The following NUP98 variants were observed in gnomAD, a reference collection of about 807,000 sequenced individuals.
NUP98 encodes the protein nuclear pore complex protein Nup98-Nup96.
Under a neutral mutation model 191.9 loss-of-function variants are expected in NUP98, and 26 were observed. That is an observed-to-expected ratio of 0.14 (90% CI 0.10 to 0.19). The LOEUF (loss-of-function observed/expected upper bound fraction) is 0.19, where lower values mean the gene tolerates loss of function less well. Ranked by LOEUF, NUP98 falls within the 10% of genes least tolerant of loss-of-function variation. The pLI, the probability that NUP98 is intolerant of heterozygous loss-of-function variation, is 1.00. For missense variants in NUP98, 1,941 were observed against 2,178.8 expected, an observed-to-expected ratio of 0.89 and a Z score of 2.17; for synonymous variants, 808 against 778.4, an observed-to-expected ratio of 1.04 and a Z score of -0.63.
chr11:3,702,169 C>G (rs1254454671), intron 23 of NUP98, among the ~76,000 whole-genome samples: 2 of 151,620 alleles, frequency 1.3e-5, no homozygotes, highest in African/African-American at 4.9e-5. Flanking sequence ...GACTGAGAGG[C>G]AGAGGTTGCA....
At chr11:3,742,038 T>C (rs1004199021) in intron 12 of NUP98, among the ~76,000 whole-genome samples, 2 of 152,234 alleles carry the variant, frequency 1.3e-5, no homozygotes, top group African/African-American at 4.8e-5. Flanking sequence ...ACATAGCAGT[T>C]CTCACTGAGC....
chr11:3,721,416 A>G (rs531901080), intron 16 of NUP98, among the ~76,000 whole-genome samples: 2 of 152,306 alleles, frequency 1.3e-5, no homozygotes, highest in East Asian at 3.9e-4. Context: ...TGAAAAATCC[A>G]GCCAGGCAAG....
chr11:3,751,239 T>A (rs1178101321), intron 11 of NUP98, among the ~76,000 whole-genome samples: 2 of 151,974 alleles, frequency 1.3e-5, no homozygotes, highest in Admixed American at 6.6e-5. Context: ...ATGCCAGTAA[T>A]CCCAGCTACT....
Position 3,781,922 on chromosome 11 carries a change from C to T in NUP98, c.76+120G>A, listed in dbSNP as rs528414576. ...TCTTATCCTAATTATTTTTTCAAGA[C>T]GACTTTGTTATAAATATGAAAGTAA... On this transcript the variant is annotated intron_variant, in intron 2 of 32. Coordinates refer to ENST00000324932, the MANE Select transcript of NUP98 (RefSeq NM_016320.5). 1,097 of 557,298 alleles carry T rather than the reference C, an allele frequency of 2.0e-3. 1 individual carries two copies. The highest frequency in any genetic ancestry group is 2.4e-3 in the Non-Finnish European group (777 of 321,800). 34.5% of individuals were successfully genotyped at this position (557,298 alleles called of 1,614,324 possible).
At chr11:3,785,188 C>CA (rs529280684) in intron 1 of NUP98, among the ~76,000 whole-genome samples, 55 of 148,500 alleles carry the variant, frequency 3.7e-4, no homozygotes, top group African/African-American at 7.9e-4. Context: ...CAAAAACAAA[C>CA]AAAAAAAAAC....
intron 12 of NUP98, among the ~76,000 whole-genome samples, chr11:3,739,950 A>T (rs1458360648): frequency 6.6e-6 from 1 of 152,178 alleles, no homozygotes; most frequent in Non-Finnish European, 1.5e-5. Context: ...TCTTTTCTTT[A>T]GCTTACTTTA....
At position 3,705,336 on chromosome 11, in the gene NUP98, A is replaced by G; in HGVS notation, c.2946T>C (p.Leu982=). The change falls in exon 22 of 33, where the codon CTT becomes CTC. Residue 982 remains leucine (L), a synonymous_variant. Coordinates refer to ENST00000324932, the MANE Select transcript of NUP98 (RefSeq NM_016320.5). Reference sequence around the variant, plus strand: ...CCATATCTACATCTTCTTCATCAGTAAGCAATGATGCTTTCATGATCTAAA... The same window carrying G: ...CCATATCTACATCTTCTTCATCAGTGAGCAATGATGCTTTCATGATCTAAA... ...HVLQIMKASL[L]TDEEDVDMAL... The G allele has an allele frequency of 6.2e-7, 1 of 1,614,086 alleles. No individual in the cohort carries two copies. Among genetic ancestry groups the G allele is most frequent in the Non-Finnish European group, 8.5e-7 (1 of 1,179,940 alleles).
intron 9 of NUP98, 49 bp downstream of exon 9, chr11:3,762,853 T>C (rs1589908448): frequency 1.9e-6 from 3 of 1,590,808 alleles, no homozygotes; most frequent in Non-Finnish European, 2.6e-6. Context: ...AAATTCCTTT[T>C]AACAAATTTA....
intron 11 of NUP98, among the ~76,000 whole-genome samples, chr11:3,746,005 C>CA (rs1482146428): frequency 1.3e-5 from 2 of 152,130 alleles, no homozygotes; most frequent in Non-Finnish European, 1.5e-5. Flanking sequence ...CACGGTGCCT[C>CA]ACGCCTGTAA....
chr11:3,688,114 A>G (rs2078184560), intron 28 of NUP98, among the ~76,000 whole-genome samples: 1 of 143,438 alleles, frequency 7.0e-6, no homozygotes, highest in African/African-American at 2.6e-5. Flanking sequence ...TGGTTAAAAC[A>G]GTAAATTTGG....
At chr11:3,682,775 T>C (rs1186835756) in intron 30 of NUP98, among the ~76,000 whole-genome samples, 1 of 152,354 alleles carries the variant, frequency 6.6e-6, no homozygotes, top group African/African-American at 2.4e-5. Flanking sequence ...ACTTGCTCTG[T>C]GCAGTTTTCC....
intron 12 of NUP98, 114 bp from the exon 13 acceptor site, chr11:3,735,438 C>A: frequency 2.0e-6 from 1 of 488,006 alleles, no homozygotes. Flanking sequence ...CTTCAAAATG[C>A]TCAGATCAAT....
intron 7 of NUP98, among the ~76,000 whole-genome samples, chr11:3,769,807 G>A (rs2081464784): frequency 6.6e-6 from 1 of 151,970 alleles, no homozygotes; most frequent in African/African-American, 2.4e-5. Flanking sequence ...CACTTTGAGA[G>A]GCCGAGGCGG....
chr11:3,709,318 C>T (rs1186918345), intron 20 of NUP98, among the ~76,000 whole-genome samples: 1 of 152,042 alleles, frequency 6.6e-6, no homozygotes, highest in African/African-American at 2.4e-5. Flanking sequence ...TGAGGCGGAT[C>T]ACTTGAGCCT....
rs948257403 is a variant in NUP98, at chr11:3,746,830, T to C, written c.1268-2181A>G. 1.8e-4 allele frequency among the ~76,000 whole-genome samples: 27 copies of C among 151,466 alleles called. 1 individual carries two copies. Among genetic ancestry groups the C allele is most frequent in the African/African-American group, 6.6e-4 (27 of 40,972 alleles). On this transcript the variant is annotated intron_variant, in intron 11 of 32. Transcript: ENST00000324932. ...GGGAAGGCTGAAGCAGGAGAATCGC[T>C]TGAGCCCGGGAGGCGGAGGTTGCAG...
At chr11:3,734,032 C>A (rs2134297767) in intron 13 of NUP98, among the ~76,000 whole-genome samples, 1 of 151,076 alleles carries the variant, frequency 6.6e-6, no homozygotes, top group African/African-American at 2.5e-5. Flanking sequence ...TAGTAAGATC[C>A]CATTTCTCTT....
At chr11:3,780,399 G>A (rs530558186) in intron 2 of NUP98, among the ~76,000 whole-genome samples, 157 of 150,274 alleles carry the variant, frequency 1.0e-3, no homozygotes, top group Non-Finnish European at 1.9e-3. Context: ...AAAATTAGCC[G>A]GGCCTGGTGG....
intron 1 of NUP98, among the ~76,000 whole-genome samples, chr11:3,783,473 T>C (rs568111764): frequency 6.6e-6 from 1 of 151,532 alleles, no homozygotes; most frequent in East Asian, 2.0e-4. Flanking sequence ...CCAAGGCGGG[T>C]GGATCACCTG....
intron 2 of NUP98, among the ~76,000 whole-genome samples, chr11:3,780,026 G>A (rs1228595138): frequency 2.6e-5 from 4 of 152,070 alleles, no homozygotes; most frequent in Admixed American, 2.0e-4. Context: ...TTTCATTAGC[G>A]GAACACATCA....
Sources: gnomAD v4.1 joint callset for allele counts (sites outside exome capture counted in the v4.1 genomes callset) on GRCh38, gnomAD v4.1.1 for gene constraint, MANE v1.5 for transcripts, NCBI Gene and HGNC (gene_info 2026-07-23, HGNC 2026-07-21) for gene names.